The following TMEM132C variants were observed in gnomAD, a reference collection of about 807,000 sequenced individuals.
The protein encoded by TMEM132C is protein phosphatase 1, regulatory subunit 152.
TMEM132C carries 29 observed loss-of-function variants against 61.4 expected under a neutral mutation model. The ratio of observed to expected loss-of-function variants is 0.47; its 90% CI spans 0.35 to 0.64. The LOEUF is 0.64. TMEM132C is among the 30% of genes least tolerant of loss of function. TMEM132C has a pLI of 0.00. For missense variants in TMEM132C, 1,408 were observed against 1,476.9 expected, an observed-to-expected ratio of 0.95 and a Z score of 0.76; for synonymous variants, 656 against 633.1, an observed-to-expected ratio of 1.04 and a Z score of -0.54.
At chr12:128,315,415 A>G (rs539460751) in intron 1 of TMEM132C, among the ~76,000 whole-genome samples, 1 of 152,164 alleles carries the variant, frequency 6.6e-6, no homozygotes, top group Non-Finnish European at 1.5e-5. Flanking sequence ...GTAAAATTAG[A>G]GGCTAGCTGA....
chr12:128,443,961 C>T (rs7137110), intron 2 of TMEM132C, among the ~76,000 whole-genome samples: 1,774 of 152,218 alleles, frequency 0.012, 41 homozygotes, highest in African/African-American at 0.04. Context: ...CTCACTGTTT[C>T]ACCCAGGCTG....
intron 8 of TMEM132C, among the ~76,000 whole-genome samples, chr12:128,698,749 G>A (rs1397404283): frequency 6.6e-6 from 1 of 152,200 alleles, no homozygotes; most frequent in Admixed American, 6.5e-5. Flanking sequence ...AGTTTCCTCT[G>A]GTGACTTGCG....
intron 1 of TMEM132C, among the ~76,000 whole-genome samples, chr12:128,359,391 GAGACCAGCAT>G (rs1873624352): frequency 6.6e-6 from 1 of 152,104 alleles, no homozygotes. Flanking sequence ...TCACTACCAT[GAGACCAGCAT>G]GGGGGAAACT....
intron 3 of TMEM132C, among the ~76,000 whole-genome samples, chr12:128,548,506 A>G (rs1156792337): frequency 3.3e-5 from 5 of 152,152 alleles, no homozygotes; most frequent in Admixed American, 1.3e-4. Context: ...TCAGTCAGCT[A>G]TGTAAGGACC....
At chr12:128,446,781 T>C (rs1166308215) in intron 2 of TMEM132C, among the ~76,000 whole-genome samples, 2 of 152,168 alleles carry the variant, frequency 1.3e-5, no homozygotes, top group African/African-American at 2.4e-5. Context: ...AGCAGCGATA[T>C]ATTATGAAAT....
chr12:128,595,959 G>A (rs1443196849), intron 3 of TMEM132C, among the ~76,000 whole-genome samples: 1 of 152,266 alleles, frequency 6.6e-6, no homozygotes, highest in Non-Finnish European at 1.5e-5. Context: ...GTTAAGTCAG[G>A]TGGATGCGGG....
At chr12:128,309,710 CTTCA>C (rs1372085308) in intron 1 of TMEM132C, among the ~76,000 whole-genome samples, 2 of 151,762 alleles carry the variant, frequency 1.3e-5, no homozygotes, top group African/African-American at 4.8e-5. Context: ...TATATCAGCT[CTTCA>C]TTCCTTTTTT....
intron 2 of TMEM132C, among the ~76,000 whole-genome samples, chr12:128,496,079 C>T (rs1360977141): frequency 6.6e-6 from 1 of 151,828 alleles, no homozygotes. Context: ...TTTTATTTCT[C>T]CTTCACTTAT....
rs1954830059 is a variant in TMEM132C, at chr12:128,705,389, C to G, written c.2421C>G (p.Ser807Arg). Residue 807 changes from serine to arginine, a missense_variant, in exon 9 of 9, where the codon AGC becomes AGG. Transcript: ENST00000435159. The stretch of plus-strand genomic sequence containing the variant: ...TCGGACAGAACGATGCTGACTCCAG[C>G]CCCGGCGGGGACTATGAGGAAGATG... ...VKFGQNDADS[S>R]PGGDYEEDEI... The G allele has an allele frequency of 6.4e-7, 1 of 1,551,170 alleles. No homozygotes were observed. Among genetic ancestry groups the G allele is most frequent in the Admixed American group, 2.0e-5 (1 of 50,990 alleles).
intron 1 of TMEM132C, among the ~76,000 whole-genome samples, chr12:128,398,521 T>C (rs1875040883): frequency 6.6e-6 from 1 of 152,180 alleles, no homozygotes; most frequent in South Asian, 2.1e-4. Flanking sequence ...GCCCGTCTGA[T>C]GTGAAAAATA....
intron 2 of TMEM132C, among the ~76,000 whole-genome samples, chr12:128,461,495 T>C (rs1195947251): frequency 6.9e-6 from 1 of 145,768 alleles, no homozygotes; most frequent in Non-Finnish European, 1.5e-5. Context: ...GCCTGAAGAC[T>C]GTCAGTGGGA....
Position 128,616,315 on chromosome 12 carries a change from G to T in TMEM132C, c.1285G>T (p.Gly429Cys). Residue 429 changes from glycine (G) to cysteine (C), a missense_variant, in exon 4 of 9, where the codon GGC becomes TGC. By Grantham distance (159) the Gly-to-Cys change is radical (BLOSUM62 -3). Coordinates refer to ENST00000435159, the MANE Select transcript of TMEM132C (RefSeq NM_001136103.3). ...EIFVSQKDLV[G>C]IVPLAMDTEI... ...CTTTGTCAGCCAGAAGGACCTGGTG[G>T]GCATCGTTCCCTTGGCTATGGTGAG... The T allele has an allele frequency of 6.4e-7, 1 of 1,551,806 alleles. No homozygotes were observed. Among genetic ancestry groups the T allele is most frequent in the Non-Finnish European group, 8.7e-7 (1 of 1,146,942 alleles).
Position 128,666,024 on chromosome 12 carries a change from C to T in TMEM132C, c.1306-3393C>T, listed in dbSNP as rs535212700. Among the ~76,000 whole-genome samples the T allele has an allele frequency of 1.5e-4, 18 of 119,914 alleles. 1 individual carries two copies. In the South Asian group the frequency reaches 2.4e-3, roughly 16 times the overall value. 78.7% of individuals were successfully genotyped at this position (119,914 alleles called of 152,430 possible). ...ACACAGGCACACACACATTCACAGG[C>T]GCACATTCACAGGCACTCATACACA... On this transcript the variant is annotated intron_variant, in intron 4 of 8. Transcript: ENST00000435159.
chr12:128,324,649 C>G (rs1486439863), intron 1 of TMEM132C, among the ~76,000 whole-genome samples: 1 of 152,142 alleles, frequency 6.6e-6, no homozygotes, highest in African/African-American at 2.4e-5. Flanking sequence ...CACCTGAGCT[C>G]AGAAGCTCAA....
At chr12:128,423,850 G>A (rs1042330439) in intron 2 of TMEM132C, among the ~76,000 whole-genome samples, 2 of 151,696 alleles carry the variant, frequency 1.3e-5, no homozygotes, top group Admixed American at 6.6e-5. Flanking sequence ...TGGCTAACAT[G>A]GTGAAACCCC....
intron 1 of TMEM132C, among the ~76,000 whole-genome samples, chr12:128,335,323 C>G (rs1872765380): frequency 6.6e-6 from 1 of 150,620 alleles, no homozygotes; most frequent in Non-Finnish European, 1.5e-5. Flanking sequence ...TCTTATCAAC[C>G]TCGTAATAAA....
At chr12:128,560,514 A>G (rs1014642774) in intron 3 of TMEM132C, among the ~76,000 whole-genome samples, 5 of 152,110 alleles carry the variant, frequency 3.3e-5, no homozygotes, top group African/African-American at 1.2e-4. Flanking sequence ...GATTATTCTA[A>G]TTTCTACATC....
intron 2 of TMEM132C, among the ~76,000 whole-genome samples, chr12:128,506,040 T>A (rs1043438399): frequency 6.6e-6 from 1 of 152,234 alleles, no homozygotes; most frequent in African/African-American, 2.4e-5. Flanking sequence ...TTGTTGGCCC[T>A]GGTTTTGTTC....
At chr12:128,576,770 T>C (rs1488670735) in intron 3 of TMEM132C, among the ~76,000 whole-genome samples, 5 of 152,208 alleles carry the variant, frequency 3.3e-5, no homozygotes, top group Non-Finnish European at 7.3e-5. Context: ...AGGCCCATGC[T>C]TTGGTTGTCG....
Sources: allele counts gnomAD v4.1 joint callset (sites outside exome capture counted in the v4.1 genomes callset), GRCh38; gene constraint gnomAD v4.1.1; transcripts MANE v1.5; gene names NCBI Gene and HGNC (gene_info 2026-07-23, HGNC 2026-07-21).